The following RIN3 variants were observed in gnomAD, a reference collection of about 807,000 sequenced individuals.
RIN3 encodes Ras and Rab interactor 3.
Under a neutral mutation model 76.3 loss-of-function variants are expected in RIN3, and 54 were observed. The observed-to-expected ratio is 0.71, with a 90% CI of 0.57 to 0.89. RIN3 has a LOEUF of 0.89. Among genes scored for constraint, RIN3 ranks in the 40% least tolerant of loss-of-function variants. RIN3 has a pLI of 0.00. For synonymous variants in RIN3, 576 were observed against 564.0 expected (o/e 1.02, Z -0.30); for missense variants, 1,256 against 1,322.1 (o/e 0.95, Z 0.78).
chr14:92,572,877 C>CTTTTTTTTTTTTT lies in RIN3; in HGVS notation c.250-4473_250-4461dup, dbSNP rs763771909. 1.4e-4 allele frequency among the ~76,000 whole-genome samples: 14 copies of CTTTTTTTTTTTTT among 100,096 alleles called. 1 individual carries two copies. The highest frequency in any genetic ancestry group is 3.0e-4 in the African/African-American group (7 of 23,090). 65.7% of individuals were successfully genotyped at this position (100,096 alleles called of 152,430 possible). On this transcript the variant is annotated intron_variant, in intron 2 of 9. Transcript: ENST00000216487. ...TGTAGAAGGGTGACTCTTTTTTTTG[C>CTTTTTTTTTTTTT]TTTTTTTTTTTTTTTTTTTTTTGAG... is the stretch of plus-strand genomic sequence containing the variant.
In RIN3 at chr14:92,596,884, G is replaced by A. The variant is rs1353807195; in HGVS notation, c.368-18523G>A. Among the ~76,000 whole-genome samples the A allele has an allele frequency of 3.3e-5, 5 of 152,308 alleles. No individual in the cohort carries two copies. The East Asian group carries it at 5.8e-4, about 18-fold the overall frequency. On this transcript the variant is annotated intron_variant, in intron 3 of 9. Transcript: ENST00000216487. ...GTGTTTTTGGTGGCATGCTGGAGCC[G>A]ACTCATGTCAGCTGGTGACAGCTGA...
At chr14:92,662,334 C>G (rs775872760) in intron 7 of RIN3, among the ~76,000 whole-genome samples, 1 of 152,192 alleles carries the variant, frequency 6.6e-6, no homozygotes, top group African/African-American at 2.4e-5. Flanking sequence ...CCCGGGGGAC[C>G]CTTTGCTGGG....
At chr14:92,636,552 C>G (rs1401456594) in intron 4 of RIN3, among the ~76,000 whole-genome samples, 1 of 152,094 alleles carries the variant, frequency 6.6e-6, no homozygotes, top group African/African-American at 2.4e-5. Context: ...TCATTGTACT[C>G]CAGCCTGGGT....
At chr14:92,585,627 TTTTG>T (rs780559615) in intron 3 of RIN3, among the ~76,000 whole-genome samples, 11 of 152,114 alleles carry the variant, frequency 7.2e-5, no homozygotes, top group South Asian at 2.1e-4. Context: ...CAGCAGGTTT[TTTTG>T]TTTGTTTGTT....
intron 7 of RIN3, among the ~76,000 whole-genome samples, chr14:92,661,722 G>GTC (rs1325242657): frequency 1.6e-4 from 9 of 55,294 alleles, no homozygotes; most frequent in Middle Eastern, 8.3e-3. Flanking sequence ...GTGAGACTCT[G>GTC]TCACACACAC....
rs1309440498 is a variant in RIN3, at chr14:92,658,268, G to A, written c.2027-893G>A. ...ATGCCTCTCAGATAGGACGACATTC[G>A]AACAGTGAAGGAACCAGCCATGTGG... On this transcript the variant is annotated intron_variant, in intron 6 of 9. Transcript: ENST00000216487. 3.9e-5 allele frequency among the ~76,000 whole-genome samples: 6 copies of A among 152,268 alleles called. No homozygotes were observed. In the East Asian group the frequency reaches 7.7e-4, roughly 20 times the overall value.
chr14:92,677,771 T>C (rs1888519971), intron 8 of RIN3, among the ~76,000 whole-genome samples: 1 of 152,014 alleles, frequency 6.6e-6, no homozygotes, highest in African/African-American at 2.4e-5. Context: ...TGTCCATCCA[T>C]ATAGCCATCC....
intron 8 of RIN3, among the ~76,000 whole-genome samples, chr14:92,684,719 T>C (rs932869223): frequency 1.3e-5 from 2 of 152,158 alleles, no homozygotes; most frequent in African/African-American, 4.8e-5. Flanking sequence ...AAATCATTTT[T>C]TAAATAAGCA....
intron 1 of RIN3, among the ~76,000 whole-genome samples, chr14:92,545,560 AT>A (rs1220235244): frequency 7.6e-5 from 9 of 118,338 alleles, no homozygotes; most frequent in South Asian, 2.8e-4. Context: ...CTCCCTCTCT[AT>A]TTTTTTTCTT....
intron 7 of RIN3, among the ~76,000 whole-genome samples, chr14:92,669,503 G>A (rs1208437247): frequency 6.6e-6 from 1 of 152,202 alleles, no homozygotes; most frequent in Non-Finnish European, 1.5e-5. Context: ...GAGGAAAAAA[G>A]TGGCTCTAAA....
At chr14:92,582,905 T>C (rs559339115) in intron 3 of RIN3, among the ~76,000 whole-genome samples, 1 of 152,318 alleles carries the variant, frequency 6.6e-6, no homozygotes, top group South Asian at 2.1e-4. Context: ...CTCTTCCTGT[T>C]TGATGCCCTC....
At chr14:92,586,036 G>A (rs1301950917) in intron 3 of RIN3, among the ~76,000 whole-genome samples, 1 of 152,178 alleles carries the variant, frequency 6.6e-6, no homozygotes, top group East Asian at 1.9e-4. Context: ...TGTGACATCA[G>A]ACATGTTACT....
chr14:92,685,372 GT>G lies in RIN3; in HGVS notation c.2631+223del. On this transcript the variant is annotated intron_variant, in intron 9 of 9. Coordinates refer to ENST00000216487, the MANE Select transcript of RIN3 (RefSeq NM_024832.5). The surrounding 1 kb of genome is among the most constrained non-coding windows in gnomAD (Gnocchi z 4.7). ...TCTAGAAACATATCAGCAGGCATTG[GT>G]GTTCTCCCTGGGCAAGCAGGAAGGG... 1.8e-6 allele frequency: 1 copy of G among 554,912 alleles called. No individual in the cohort carries two copies. The highest frequency in any genetic ancestry group is 3.2e-6 in the Non-Finnish European group (1 of 309,412). 34.4% of individuals were successfully genotyped at this position (554,912 alleles called of 1,614,324 possible).
intron 2 of RIN3, among the ~76,000 whole-genome samples, chr14:92,563,989 C>G (rs1483778337): frequency 6.6e-6 from 1 of 152,194 alleles, no homozygotes; most frequent in Non-Finnish European, 1.5e-5. Flanking sequence ...TGGGCCCCAG[C>G]CACTGGACTG....
In RIN3 at chr14:92,687,976, G is replaced by C. The variant is rs1017529935; in HGVS notation, c.2682G>C (p.Leu894=). The C allele has an allele frequency of 1.0e-5, 16 of 1,559,504 alleles. No individual in the cohort carries two copies. Among genetic ancestry groups the C allele is most frequent in the African/African-American group, 1.4e-5 (1 of 73,274 alleles). The change falls in exon 10 of 10, where the codon CTG becomes CTC. Residue 894 remains leucine, a synonymous_variant. Transcript: ENST00000216487. The part of the protein sequence containing the change: ...YLEPEQQART[L]ASRADTQAQA... Reference sequence around the variant, plus strand: ...AGCCCGAGCAGCAGGCGCGGACGCTGGCGTCGCGGGCGGACACCCAGGCCC... The same window carrying C: ...AGCCCGAGCAGCAGGCGCGGACGCTCGCGTCGCGGGCGGACACCCAGGCCC...
chr14:92,529,757 A>C (rs60298786), intron 1 of RIN3, among the ~76,000 whole-genome samples: 10,843 of 151,992 alleles, frequency 0.071, 1,283 homozygotes, highest in African/African-American at 0.25. Context: ...ACTTTTTAGG[A>C]TCCGAAGCGT....
intron 4 of RIN3, among the ~76,000 whole-genome samples, chr14:92,637,573 G>A (rs1264690289): frequency 6.6e-6 from 1 of 152,164 alleles, no homozygotes; most frequent in East Asian, 1.9e-4. Flanking sequence ...GGGAGGACCT[G>A]CACATTTTAA....
chr14:92,572,343 C>T (rs777947954), intron 2 of RIN3, among the ~76,000 whole-genome samples: 2 of 152,244 alleles, frequency 1.3e-5, no homozygotes, highest in Non-Finnish European at 2.9e-5. Flanking sequence ...AGGTCCTATA[C>T]AAGTTACACT....
chr14:92,649,801 G>C (rs1005086919), intron 5 of RIN3, among the ~76,000 whole-genome samples: 1 of 152,208 alleles, frequency 6.6e-6, no homozygotes, highest in Non-Finnish European at 1.5e-5. Context: ...TTGTTAGTGT[G>C]ATGAGACCTG....
Sources: allele counts gnomAD v4.1 joint callset (sites outside exome capture counted in the v4.1 genomes callset), GRCh38; gene constraint gnomAD v4.1.1; non-coding constraint Gnocchi (gnomAD v3.1); transcripts MANE v1.5; gene names NCBI Gene and HGNC (gene_info 2026-07-23, HGNC 2026-07-21).